The following HDGF variants were observed in gnomAD, a reference collection of about 807,000 sequenced individuals.
HDGF encodes hepatoma-derived growth factor.
HDGF carries 5 observed loss-of-function variants against 30.0 expected under a neutral mutation model. The ratio of observed to expected loss-of-function variants is 0.17; its 90% CI spans 0.09 to 0.35. The LOEUF (loss-of-function observed/expected upper bound fraction) is 0.35, where lower values mean the gene tolerates loss of function less well. HDGF is among the 10% of genes least tolerant of loss of function. The pLI is 1.00. For synonymous variants in HDGF, 133 were observed against 112.7 expected, an observed-to-expected ratio of 1.18 and a Z score of -1.14; for missense variants, 214 against 302.8, an observed-to-expected ratio of 0.71 and a Z score of 2.18.
chr1:156,765,535 C>T (rs572682511), intron 1 of HDGF, among the ~76,000 whole-genome samples: 142 of 120,802 alleles, frequency 1.2e-3, no homozygotes, highest in African/African-American at 4.2e-3. Flanking sequence ...AATGCAGTGG[C>T]GTGATCTCGG....
intron 2 of HDGF, 70 bp downstream of exon 2, chr1:156,745,227 A>G: frequency 6.2e-7 from 1 of 1,607,570 alleles, no homozygotes; most frequent in Middle Eastern, 1.7e-4. Context: ...GGGCACCAAC[A>G]CCACCTCACC....
rs758766310 is a variant in HDGF, at chr1:156,743,463, G to A, written c.717-8C>T. On this transcript the variant is annotated splice_region_variant and splice_polypyrimidine_tract_variant and intron_variant, in intron 5 of 5. Coordinates refer to ENST00000357325, the MANE Select transcript of HDGF (RefSeq NM_004494.3). ...AACATTGGTGGCTACAGGCTGTGAG[G>A]GAGGGTTGGAGGGGAGAAGGGTTAA... 2.6e-6 allele frequency: 4 copies of A among 1,523,102 alleles called. No individual in the cohort carries two copies. Among genetic ancestry groups the A allele is most frequent in the Non-Finnish European group, 3.5e-6 (4 of 1,136,636 alleles). 94.3% of individuals were successfully genotyped at this position (1,523,102 alleles called of 1,614,324 possible).
chr1:156,745,113 G>A lies in HDGF; in HGVS notation c.198C>T (p.Tyr66=), dbSNP rs752829566. 23 of 1,613,854 alleles carry A rather than the reference G, an allele frequency of 1.4e-5. No homozygotes were observed. Among genetic ancestry groups the A allele is most frequent in the South Asian group, 8.8e-5 (8 of 91,084 alleles). The change falls in exon 3 of 6, where the codon TAC becomes TAT. Residue 66 remains tyrosine, a synonymous_variant. Coordinates refer to ENST00000357325, the MANE Select transcript of HDGF (RefSeq NM_004494.3). ...TGCCAAACTTCTCCTTGGATTCCTCGTAAGGGAAGAGGTCTTTGGGGCCCA... is the reference window on the plus strand; with the variant it reads ...TGCCAAACTTCTCCTTGGATTCCTCATAAGGGAAGAGGTCTTTGGGGCCCA... ...AFLGPKDLFP[Y]EESKEKFGKP...
chr1:156,752,528 T>C, upstream of HDGF: 2 of 633,990 alleles, frequency 3.2e-6, no homozygotes, highest in Non-Finnish European at 5.5e-6. Context: ...CTACCTCTTT[T>C]CGGAGGTGGG....
intron 1 of HDGF, among the ~76,000 whole-genome samples, chr1:156,749,357 CGGTCCAA>C (rs1265332553): frequency 6.6e-6 from 1 of 152,228 alleles, no homozygotes. Flanking sequence ...GACTAAGACA[CGGTCCAA>C]GGAATGGTGA....
chr1:156,746,698 G>A lies in HDGF; in HGVS notation c.88-1325C>T, dbSNP rs560986856. Among the ~76,000 whole-genome samples, 3 of 152,310 alleles carry A rather than the reference G, an allele frequency of 2.0e-5. No homozygotes were observed. The South Asian group carries it at 6.2e-4, about 32-fold the overall frequency. On this transcript the variant is annotated intron_variant, in intron 1 of 5. Transcript: ENST00000357325. ...TGGAAGCCCAGGCCAAGCTGAGCCA[G>A]GGGTGGGTCGTGGGGGAAGGTGGGG...
intron 1 of HDGF, among the ~76,000 whole-genome samples, chr1:156,746,557 C>A (rs1308313985): frequency 6.6e-6 from 1 of 152,234 alleles, no homozygotes; most frequent in Non-Finnish European, 1.5e-5. Context: ...CTGACTAAAT[C>A]CCCCGCCCCA....
chr1:156,749,066 G>A (rs1018696638), intron 1 of HDGF, among the ~76,000 whole-genome samples: 4 of 152,238 alleles, frequency 2.6e-5, no homozygotes, highest in African/African-American at 9.6e-5. Context: ...AGGCGGAAGA[G>A]GGAAAGGAGA....
rs1650256531 is a variant in HDGF at position 156,743,245 on chromosome 1, G to C, written c.*204C>G. The C allele has an allele frequency of 1.1e-5, 6 of 532,204 alleles. No homozygotes were observed. The South Asian group carries it at 1.7e-4, about 15-fold the overall frequency. 33.0% of individuals were successfully genotyped at this position (532,204 alleles called of 1,614,324 possible). On this transcript the variant is annotated 3_prime_UTR_variant, in exon 6 of 6. Coordinates refer to ENST00000357325, the MANE Select transcript of HDGF (RefSeq NM_004494.3). ...GCTCTGACTCAGATCATAGGAGTAT[G>C]GGGACCTAGAGGTGAGAGCCAGGTG...
At position 156,743,253 on chromosome 1, in the gene HDGF, A is replaced by G; in HGVS notation, c.*196T>C. 2 of 555,410 alleles carry G rather than the reference A, an allele frequency of 3.6e-6. No individual in the cohort carries two copies. Among genetic ancestry groups the G allele is most frequent in the Non-Finnish European group, 3.2e-6 (1 of 312,770 alleles). 34.4% of individuals were successfully genotyped at this position (555,410 alleles called of 1,614,324 possible). A position where few individuals can be genotyped will look rare whatever the true frequency, so the allele number is the denominator to read the frequency against. On this transcript the variant is annotated 3_prime_UTR_variant, in exon 6 of 6. Transcript: ENST00000357325. ...TCAGATCATAGGAGTATGGGGACCT[A>G]GAGGTGAGAGCCAGGTGGCCTGCCC...
At chr1:156,763,767 T>G (rs1321643675) in intron 1 of HDGF, among the ~76,000 whole-genome samples, 1 of 152,094 alleles carries the variant, frequency 6.6e-6, no homozygotes, top group Non-Finnish European at 1.5e-5. Context: ...TTTGTATTTT[T>G]AGTAGAGACG....
chr1:156,763,037 C>A (rs1208537129), intron 1 of HDGF, among the ~76,000 whole-genome samples: 1 of 152,186 alleles, frequency 6.6e-6, no homozygotes, highest in Non-Finnish European at 1.5e-5. Flanking sequence ...TATGGTGCAT[C>A]TCTTTTCCAC....
At position 156,744,964 on chromosome 1, in the gene HDGF, C is replaced by T. The variant is rs754256072; in HGVS notation, c.303+44G>A. 5 of 1,610,456 alleles carry T rather than the reference C, an allele frequency of 3.1e-6. No individual in the cohort carries two copies. The South Asian group carries it at 5.5e-5, about 18-fold the overall frequency. On this transcript the variant is annotated intron_variant, in intron 3 of 5. Transcript: ENST00000357325. ...GCCGGGGGCTGCCAGAGCCCACAGC[C>T]ACATCTGCTTTCCAGGGGGTCTCTG...
chr1:156,751,618 C>T lies in HDGF; in HGVS notation c.-189G>A, dbSNP rs893491704. ...GCGCGCCGCACGGACGGGGCGGGCG[C>T]GGATCGGGGCAAGGCTCCGGCGCGG... is the stretch of plus-strand genomic sequence containing the variant. On this transcript the variant is annotated 5_prime_UTR_variant, in exon 1 of 6. Coordinates refer to ENST00000357325, the MANE Select transcript of HDGF (RefSeq NM_004494.3). This position sits in a 1 kb window ranked among gnomAD's most constrained non-coding sequence, Gnocchi z 4.7. 4 of 985,194 alleles carry T rather than the reference C, an allele frequency of 4.1e-6. No homozygotes were observed. The highest frequency in any genetic ancestry group is 4.8e-6 in the Non-Finnish European group (4 of 830,590). The allele number at this position is 985,194 out of a possible 1,614,324, so 61.0% of individuals were successfully genotyped here. A position where few individuals can be genotyped will look rare whatever the true frequency, so the allele number is the denominator to read the frequency against.
chr1:156,751,719 C>T (rs1650993684), upstream of HDGF: 2 of 1,182,228 alleles, frequency 1.7e-6, no homozygotes, highest in Non-Finnish European at 1.0e-6. This position sits in a 1 kb window ranked among gnomAD's most constrained non-coding sequence, Gnocchi z 4.7. Context: ...CTTCCTCCAC[C>T]CCCCGCCCGG....
In HDGF at chr1:156,751,527, C is replaced by A; in HGVS notation, c.-98G>T. On this transcript the variant is annotated 5_prime_UTR_variant, in exon 1 of 6. Transcript: ENST00000357325. The surrounding 1 kb of genome is among the most constrained non-coding windows in gnomAD (Gnocchi z 4.7). ...GGCGGCGCCGCTCCGCTCCGGCCCT[C>A]GCGCGGCCCCCGCCTCGATGGTGGC... 1 of 1,051,698 alleles carries A rather than the reference C, an allele frequency of 9.5e-7. No individual in the cohort carries two copies. The highest frequency in any genetic ancestry group is 1.1e-6 in the Non-Finnish European group (1 of 870,586). 65.1% of individuals were successfully genotyped at this position (1,051,698 alleles called of 1,614,324 possible).
Position 156,743,870 on chromosome 1 carries a change from A to G in HDGF, c.498T>C (p.Pro166=). 1 of 1,612,870 alleles carries G rather than the reference A, an allele frequency of 6.2e-7. No individual in the cohort carries two copies. The highest frequency in any genetic ancestry group is 8.5e-7 in the Non-Finnish European group (1 of 1,179,010). ...RRAGDLLEDS[P]KRPKEAENPE... is the part of the protein sequence containing the mutation. ...GGTTTTCTGCCTCCTTGGGACGTTTAGGAGAGTCCTAGGCAGGATCAACAG... is the reference window on the plus strand; with the variant it reads ...GGTTTTCTGCCTCCTTGGGACGTTTGGGAGAGTCCTAGGCAGGATCAACAG... Residue 166 remains proline (P), a synonymous_variant, in exon 5 of 6, where the codon CCT becomes CCC. Coordinates refer to ENST00000357325, the MANE Select transcript of HDGF (RefSeq NM_004494.3).
chr1:156,763,564 C>T (rs1651296400), intron 1 of HDGF, among the ~76,000 whole-genome samples: 1 of 150,202 alleles, frequency 6.7e-6, no homozygotes, highest in Admixed American at 6.7e-5. Context: ...TCGAAAGGCT[C>T]ATAGATGTAC....
At chr1:156,750,444 C>T (rs778764853) in intron 1 of HDGF, among the ~76,000 whole-genome samples, 12 of 152,110 alleles carry the variant, frequency 7.9e-5, no homozygotes, top group Non-Finnish European at 1.8e-4. Context: ...GCTGCAGGGC[C>T]CCACCCTCCC....
Sources: allele counts gnomAD v4.1 joint callset (sites outside exome capture counted in the v4.1 genomes callset), GRCh38; gene constraint gnomAD v4.1.1; non-coding constraint Gnocchi (gnomAD v3.1); transcripts MANE v1.5; gene names NCBI Gene and HGNC (gene_info 2026-07-23, HGNC 2026-07-21).